Variants in CFAP92 observed in about 807,000 individuals in gnomAD.
CFAP92 encodes uncharacterized protein CFAP92.
A neutral mutation model predicts 106.3 loss-of-function variants in CFAP92; 86 were observed. The observed-to-expected ratio is 0.81, with a 90% CI of 0.68 to 0.97. The LOEUF is 0.97. CFAP92 is among the 50% of genes least tolerant of loss of function. The pLI is 0.00. For synonymous variants in CFAP92, 477 were observed against 506.4 expected (o/e 0.94, Z 0.78); for missense variants, 1,204 against 1,283.8 (o/e 0.94, Z 0.95).
At chr3:128,973,016 G>A (rs377727455) in intron 7 of CFAP92, among the ~76,000 whole-genome samples, 2 of 152,056 alleles carry the variant, frequency 1.3e-5, no homozygotes, top group Non-Finnish European at 2.9e-5. Context: ...TTAAACATTC[G>A]TGAAAGTATA....
At chr3:128,939,745 T>G (rs190076757) in intron 10 of CFAP92, among the ~76,000 whole-genome samples, 61 of 152,210 alleles carry the variant, frequency 4.0e-4, no homozygotes, top group African/African-American at 1.3e-3. Context: ...GTTGGGAGGA[T>G]GATTTCAGGA....
intron 9 of CFAP92, among the ~76,000 whole-genome samples, chr3:128,953,619 C>A (rs1162509934): frequency 8.2e-6 from 1 of 122,386 alleles, no homozygotes; most frequent in Non-Finnish European, 1.6e-5. Flanking sequence ...CTCTCCCTCT[C>A]CCTCCCTCTC....
upstream of CFAP92, among the ~76,000 whole-genome samples, chr3:128,999,082 T>C (rs1158284755): frequency 6.6e-6 from 1 of 152,244 alleles, no homozygotes; most frequent in East Asian, 1.9e-4. Flanking sequence ...ATATACTATT[T>C]GAAATGGCTC....
chr3:128,920,327 C>T (rs148271591), intron 12 of CFAP92, among the ~76,000 whole-genome samples: 33 of 152,106 alleles, frequency 2.2e-4, no homozygotes, highest in African/African-American at 7.0e-4. Flanking sequence ...TTGCTTGAAC[C>T]CAGGAGGCGG....
chr3:128,984,180 A>G (rs1414163851), intron 4 of CFAP92, among the ~76,000 whole-genome samples: 4 of 152,224 alleles, frequency 2.6e-5, no homozygotes, highest in South Asian at 4.1e-4. Context: ...AGACGAGCAG[A>G]TTAAAGGGAA....
intron 5 of CFAP92, among the ~76,000 whole-genome samples, chr3:128,977,826 T>C (rs1253632082): frequency 6.6e-6 from 1 of 152,134 alleles, no homozygotes; most frequent in Admixed American, 6.5e-5. Flanking sequence ...GCCATTGCAT[T>C]CCAGCCTGGG....
intron 8 of CFAP92, chr3:128,969,545 C>G (rs1328737008): frequency 6.6e-6 from 1 of 152,220 alleles, no homozygotes; most frequent in Non-Finnish European, 1.5e-5. Flanking sequence ...TGCACTCCAG[C>G]CTGGGCGACA....
chr3:128,924,676 A>G (rs1048603466), intron 12 of CFAP92, among the ~76,000 whole-genome samples: 6 of 151,228 alleles, frequency 4.0e-5, no homozygotes. Flanking sequence ...CGAACTCCCA[A>G]CCTCAGGTGA....
intron 10 of CFAP92, among the ~76,000 whole-genome samples, chr3:128,939,588 AC>A (rs1939421754): frequency 6.6e-6 from 1 of 151,364 alleles, no homozygotes; most frequent in East Asian, 1.9e-4. Context: ...GAAACCCCAC[AC>A]CCCTCAGCTA....
upstream of CFAP92, among the ~76,000 whole-genome samples, chr3:129,007,392 C>T (rs1576708051): frequency 6.6e-6 from 1 of 152,178 alleles, no homozygotes; most frequent in Non-Finnish European, 1.5e-5. Context: ...CCCATCACAC[C>T]CTCTTAAGTG....
intron 7 of CFAP92, among the ~76,000 whole-genome samples, chr3:128,972,200 A>C (rs957186852): frequency 2.0e-5 from 3 of 152,202 alleles, no homozygotes; most frequent in Non-Finnish European, 4.4e-5. Flanking sequence ...AAATCATCAG[A>C]AGAATATCTA....
chr3:129,016,501 C>T, the CFAP92 span, among the ~76,000 whole-genome samples: 10 of 149,108 alleles, frequency 6.7e-5, no homozygotes, highest in Admixed American at 6.7e-4. Context: ...TGGGCACGCC[C>T]GTGTCTAGAG....
the CFAP92 span, among the ~76,000 whole-genome samples, chr3:129,024,554 A>G: frequency 6.6e-6 from 1 of 152,224 alleles, no homozygotes; most frequent in East Asian, 1.9e-4. Context: ...AAAAAAAAGA[A>G]AAAGAAAAAC....
intron 1 of CFAP92, chr3:129,002,156 G>A (rs1259953382): frequency 2.7e-6 from 4 of 1,470,518 alleles, no homozygotes; most frequent in Non-Finnish European, 2.7e-6. Flanking sequence ...AGATCCGCCT[G>A]CGCCGTCCGC....
At chr3:129,004,026 C>A, upstream of CFAP92, 1 of 1,510,062 alleles carries the variant, frequency 6.6e-7, no homozygotes, top group Non-Finnish European at 8.8e-7. Flanking sequence ...CAACAGGTGC[C>A]CGGCTTGCAG....
At chr3:128,953,091 C>G (rs1182571414) in intron 9 of CFAP92, among the ~76,000 whole-genome samples, 1 of 151,688 alleles carries the variant, frequency 6.6e-6, no homozygotes, top group African/African-American at 2.4e-5. Flanking sequence ...CAAAACAAAA[C>G]AAAAATGGAA....
intron 12 of CFAP92, among the ~76,000 whole-genome samples, chr3:128,926,569 T>C (rs921972281): frequency 2.0e-5 from 3 of 152,130 alleles, no homozygotes; most frequent in Admixed American, 6.5e-5. Context: ...TCTTCAACAC[T>C]GCACTTCTTT....
At chr3:129,001,857 G>A in intron 1 of CFAP92, 1 of 1,546,160 alleles carries the variant, frequency 6.5e-7, no homozygotes, top group East Asian at 2.5e-5. Context: ...TCTGCCCCGC[G>A]CCGACTTCCG....
intron 9 of CFAP92, among the ~76,000 whole-genome samples, chr3:128,953,397 C>A (rs1234434410): frequency 1.3e-5 from 2 of 151,986 alleles, no homozygotes; most frequent in Non-Finnish European, 2.9e-5. Context: ...CGCCTGTAGT[C>A]CCAGCTACTC....
Sources: gnomAD v4.1 joint callset for allele counts (sites outside exome capture counted in the v4.1 genomes callset) on GRCh38, gnomAD v4.1.1 for gene constraint, MANE v1.5 for transcripts, NCBI Gene and HGNC (gene_info 2026-07-23, HGNC 2026-07-21) for gene names.